Variants in ITGB3 observed in about 807,000 individuals in gnomAD.
The protein encoded by ITGB3 is integrin beta-3.
ITGB3 carries 48 observed loss-of-function variants against 85.8 expected under a neutral mutation model. That is an observed-to-expected ratio of 0.56 (90% CI 0.44 to 0.71). The LOEUF is 0.71. Ranked by LOEUF, ITGB3 falls within the 30% of genes least tolerant of loss-of-function variation. The pLI, the probability that ITGB3 is intolerant of heterozygous loss-of-function variation, is 0.00. For missense variants in ITGB3, 861 were observed against 1,019.1 expected (o/e 0.84, Z 2.11); for synonymous variants, 363 against 395.6 (o/e 0.92, Z 0.98).
intron 9 of ITGB3, chr17:47,291,415 C>T: frequency 1.9e-6 from 1 of 540,236 alleles, no homozygotes; most frequent in South Asian, 2.8e-5. Context: ...CACCAGTCGC[C>T]AGCCTTTCCA....
At chr17:47,266,809 T>TG (rs1341213710) in intron 1 of ITGB3, among the ~76,000 whole-genome samples, 3 of 152,130 alleles carry the variant, frequency 2.0e-5, no homozygotes, top group African/African-American at 7.2e-5. Context: ...CGCCAACTAC[T>TG]GGGCTCAAGC....
chr17:47,308,412 C>T (rs2065198536), intron 14 of ITGB3, among the ~76,000 whole-genome samples: 1 of 152,032 alleles, frequency 6.6e-6, no homozygotes, highest in African/African-American at 2.4e-5. Flanking sequence ...TGATGTTGAC[C>T]CCAGAGCTTT....
At chr17:47,302,099 G>GT (rs1408504043) in intron 12 of ITGB3, among the ~76,000 whole-genome samples, 3 of 152,086 alleles carry the variant, frequency 2.0e-5, no homozygotes, top group Non-Finnish European at 4.4e-5. Context: ...GTAACCCCTA[G>GT]TATCTTTGCA....
chr17:47,297,095 T>C (rs1324118270), intron 10 of ITGB3, among the ~76,000 whole-genome samples: 1 of 152,234 alleles, frequency 6.6e-6, no homozygotes, highest in Admixed American at 6.5e-5. Context: ...AATATTCCAT[T>C]AAAACTGGCT....
intron 6 of ITGB3, among the ~76,000 whole-genome samples, chr17:47,288,510 A>G (rs987795000): frequency 5.3e-5 from 8 of 152,172 alleles, no homozygotes; most frequent in African/African-American, 1.9e-4. Flanking sequence ...TCGTCTCCTA[A>G]GGACAATATA....
intron 1 of ITGB3, among the ~76,000 whole-genome samples, chr17:47,266,302 C>T (rs1327912241): frequency 6.6e-6 from 1 of 152,208 alleles, no homozygotes; most frequent in Admixed American, 6.5e-5. Flanking sequence ...TGTGACTTAG[C>T]CCTCTCCTGT....
chr17:47,300,658 C>A, intron 12 of ITGB3, 80 bp downstream of exon 12: 1 of 1,045,788 alleles, frequency 9.6e-7, no homozygotes, highest in Non-Finnish European at 1.5e-6. Context: ...ATCCAACTCC[C>A]ACCTGTAAAA....
At chr17:47,265,579 G>T (rs1204197767) in intron 1 of ITGB3, among the ~76,000 whole-genome samples, 3 of 152,152 alleles carry the variant, frequency 2.0e-5, no homozygotes, top group Non-Finnish European at 2.9e-5. Context: ...CATCAGTCAT[G>T]TTGGATTAGG....
intron 1 of ITGB3, among the ~76,000 whole-genome samples, chr17:47,265,150 AC>A (rs2065021024): frequency 6.6e-6 from 1 of 152,224 alleles, no homozygotes; most frequent in East Asian, 1.9e-4. Context: ...CATTTTTCAA[AC>A]CTTATCCATA....
intron 12 of ITGB3, among the ~76,000 whole-genome samples, chr17:47,302,222 A>G (rs2065169907): frequency 6.6e-6 from 1 of 152,112 alleles, no homozygotes; most frequent in Admixed American, 6.6e-5. Context: ...AATGGAAGAA[A>G]TAGAACAGCT....
At chr17:47,306,821 A>T (rs2065189916) in intron 13 of ITGB3, among the ~76,000 whole-genome samples, 1 of 151,936 alleles carries the variant, frequency 6.6e-6, no homozygotes, top group Non-Finnish European at 1.5e-5. Flanking sequence ...CTGGGATTAC[A>T]GGTGCTCGCC....
chr17:47,300,683 C>A, intron 12 of ITGB3, 105 bp downstream of exon 12: 1 of 810,306 alleles, frequency 1.2e-6, no homozygotes, highest in Non-Finnish European at 2.1e-6. Context: ...AGCGTGACTT[C>A]TACCTCAGGG....
At chr17:47,288,210 G>T (rs946956434) in intron 6 of ITGB3, among the ~76,000 whole-genome samples, 1 of 116,582 alleles carries the variant, frequency 8.6e-6, no homozygotes, top group Non-Finnish European at 1.8e-5. Context: ...CTTAGAAAGA[G>T]AGAGAGAGAG....
chr17:47,310,025 G>T, intron 14 of ITGB3, 114 bp from the exon 15 acceptor site: 2 of 810,852 alleles, frequency 2.5e-6, no homozygotes, highest in Non-Finnish European at 4.3e-6. Context: ...TTTCATTGAT[G>T]ATGTATTCCA....
intron 10 of ITGB3, among the ~76,000 whole-genome samples, chr17:47,296,398 T>A (rs972413541): frequency 2.0e-5 from 3 of 152,314 alleles, no homozygotes; most frequent in African/African-American, 4.8e-5. Context: ...CATGCCCGGA[T>A]AATTTTTTAA....
intron 8 of ITGB3, among the ~76,000 whole-genome samples, chr17:47,290,694 C>A (rs1182941969): frequency 6.6e-6 from 1 of 152,108 alleles, no homozygotes; most frequent in Non-Finnish European, 1.5e-5. Context: ...ATCTGTGAGG[C>A]CTGCAGGAGG....
chr17:47,263,030 T>C (rs188039159), intron 1 of ITGB3, among the ~76,000 whole-genome samples: 3 of 152,228 alleles, frequency 2.0e-5, no homozygotes, highest in East Asian at 3.9e-4. Context: ...GAATGTGACA[T>C]AGACTCAAAG....
intron 10 of ITGB3, among the ~76,000 whole-genome samples, chr17:47,297,804 C>G (rs561465732): frequency 1.3e-5 from 2 of 150,838 alleles, no homozygotes; most frequent in South Asian, 4.2e-4. Context: ...ATCACTTGAG[C>G]CCAGGAGTTT....
intron 8 of ITGB3, 88 bp downstream of exon 8, chr17:47,290,362 C>A: frequency 9.1e-7 from 1 of 1,099,028 alleles, no homozygotes; most frequent in Non-Finnish European, 1.4e-6. Context: ...GTCCCAGTTG[C>A]CAGTCTACCA....
Sources: allele counts gnomAD v4.1 joint callset (sites outside exome capture counted in the v4.1 genomes callset), GRCh38; gene constraint gnomAD v4.1.1; transcripts MANE v1.5; gene names NCBI Gene and HGNC (gene_info 2026-07-23, HGNC 2026-07-21).